The following CHIC2 variants were observed in gnomAD, a reference collection of about 807,000 sequenced individuals.
CHIC2 encodes the protein cysteine-rich hydrophobic domain-containing protein 2.
Under a neutral mutation model 25.9 loss-of-function variants are expected in CHIC2, and 14 were observed. The ratio of observed to expected loss-of-function variants is 0.54; its 90% CI spans 0.36 to 0.85. CHIC2 has a LOEUF of 0.85. Ranked by LOEUF, CHIC2 falls within the 40% of genes least tolerant of loss-of-function variation. CHIC2 has a pLI of 0.01. For synonymous variants in CHIC2, 70 were observed against 72.0 expected (o/e 0.97, Z 0.14); for missense variants, 146 against 202.0 (o/e 0.72, Z 1.68).
chr4:54,065,266 C>A (rs1717487806), upstream of CHIC2: 2 of 952,552 alleles, frequency 2.1e-6, no homozygotes, highest in Non-Finnish European at 2.5e-6. Context: ...CAAGAAATCT[C>A]ACCGTAGTCA....
the CHIC2 span, chr4:54,086,967 A>G: frequency 1.3e-6 from 1 of 753,742 alleles, no homozygotes; most frequent in Non-Finnish European, 2.4e-6. Flanking sequence ...ATGGACAACA[A>G]TCTGCAGAAG....
At chr4:54,082,075 A>G in the CHIC2 span, among the ~76,000 whole-genome samples, 2 of 152,214 alleles carry the variant, frequency 1.3e-5, no homozygotes, top group African/African-American at 4.8e-5. Flanking sequence ...AGGGCATTAG[A>G]TAGGTAAGGA....
intron 3 of CHIC2, among the ~76,000 whole-genome samples, chr4:54,048,134 A>G (rs960927270): frequency 1.3e-5 from 2 of 151,974 alleles, no homozygotes; most frequent in Non-Finnish European, 2.9e-5. Flanking sequence ...GATTACAGGC[A>G]CCCGCCACCA....
the CHIC2 span, among the ~76,000 whole-genome samples, chr4:54,088,983 C>G: frequency 1.3e-5 from 2 of 152,160 alleles, no homozygotes; most frequent in Middle Eastern, 3.2e-3. Flanking sequence ...AATGCAGGAA[C>G]CTGGAACTCC....
chr4:54,039,811 TAAAC>T (rs1716507579), intron 3 of CHIC2, among the ~76,000 whole-genome samples: 2 of 152,146 alleles, frequency 1.3e-5, no homozygotes, highest in Admixed American at 6.5e-5. Context: ...GATAAATGGA[TAAAC>T]AAACTGTGAT....
intron 3 of CHIC2, among the ~76,000 whole-genome samples, chr4:54,047,491 C>T (rs1716867750): frequency 6.6e-6 from 1 of 152,008 alleles, no homozygotes; most frequent in African/African-American, 2.4e-5. Context: ...GAGTTCATGT[C>T]CTTTGTAAGG....
chr4:54,072,105 C>T, the CHIC2 span, among the ~76,000 whole-genome samples: 1,004 of 151,922 alleles, frequency 6.6e-3, 5 homozygotes, highest in African/African-American at 0.021. Context: ...CCATCCTGGC[C>T]AACATGGTGA....
the CHIC2 span, chr4:54,087,798 C>T: frequency 7.6e-5 from 32 of 423,216 alleles, no homozygotes; most frequent in Non-Finnish European, 1.2e-4. Flanking sequence ...GGTCTACAGA[C>T]CATTCACTGT....
the CHIC2 span, among the ~76,000 whole-genome samples, chr4:54,073,066 TAA>T: frequency 3.5e-5 from 5 of 143,696 alleles, no homozygotes; most frequent in Admixed American, 7.0e-5. Context: ...AGACTCCGTC[TAA>T]AAAAAAAAAA....
the CHIC2 span, among the ~76,000 whole-genome samples, chr4:54,075,439 T>G: frequency 6.6e-6 from 1 of 152,220 alleles, no homozygotes. Flanking sequence ...TATGCTGTAG[T>G]TAATCACACC....
intron 3 of CHIC2, among the ~76,000 whole-genome samples, chr4:54,032,099 T>G (rs1043675231): frequency 6.6e-6 from 1 of 152,056 alleles, no homozygotes; most frequent in Non-Finnish European, 1.5e-5. Context: ...TAAATATAAA[T>G]AAAAGCACAA....
At chr4:54,055,995 G>C (rs1199866080) in intron 1 of CHIC2, among the ~76,000 whole-genome samples, 1 of 152,112 alleles carries the variant, frequency 6.6e-6, no homozygotes, top group Non-Finnish European at 1.5e-5. Flanking sequence ...AGTTCATCTG[G>C]TTTTATGAAA....
the CHIC2 span, among the ~76,000 whole-genome samples, chr4:54,070,580 G>A: frequency 1.3e-5 from 2 of 152,102 alleles, no homozygotes; most frequent in Admixed American, 6.6e-5. Context: ...GCACCAGCAC[G>A]CCTGGCTGAT....
intron 3 of CHIC2, among the ~76,000 whole-genome samples, chr4:54,020,569 G>A (rs1410761208): frequency 2.6e-5 from 4 of 152,104 alleles, no homozygotes; most frequent in Non-Finnish European, 4.4e-5. Context: ...CCCTGTCCTC[G>A]CCTCACTCCA....
intron 5 of CHIC2, among the ~76,000 whole-genome samples, chr4:54,012,745 C>A (rs1568511): frequency 0.37 from 55,749 of 151,808 alleles, 10,802 homozygotes; most frequent in African/African-American, 0.47. Flanking sequence ...CATCATCATA[C>A]ATTAACATGT....
At chr4:54,037,143 C>T (rs560514926) in intron 3 of CHIC2, among the ~76,000 whole-genome samples, 208 of 151,986 alleles carry the variant, frequency 1.4e-3, no homozygotes, top group African/African-American at 4.9e-3. Flanking sequence ...GGCGGGTGGA[C>T]TGCTTGAGCT....
intron 1 of CHIC2, among the ~76,000 whole-genome samples, chr4:54,052,639 TA>T (rs1229415316): frequency 6.6e-6 from 1 of 152,190 alleles, no homozygotes; most frequent in East Asian, 1.9e-4. Flanking sequence ...AACACTTGGA[TA>T]ATTTTTAAAA....
intron 3 of CHIC2, among the ~76,000 whole-genome samples, chr4:54,017,755 A>T (rs958347256): frequency 1.3e-5 from 2 of 152,166 alleles, no homozygotes; most frequent in Non-Finnish European, 2.9e-5. Context: ...GGAAGTAGAC[A>T]GCTCCAAGCA....
At chr4:54,059,532 T>C (rs1156344902) in intron 1 of CHIC2, 1 of 151,184 alleles carries the variant, frequency 6.6e-6, no homozygotes, top group Non-Finnish European at 1.5e-5. Context: ...CAGGGAAAGA[T>C]TCTGTCTCTA....
Sources: gnomAD v4.1 joint callset for allele counts (sites outside exome capture counted in the v4.1 genomes callset) on GRCh38, gnomAD v4.1.1 for gene constraint, MANE v1.5 for transcripts, NCBI Gene and HGNC (gene_info 2026-07-23, HGNC 2026-07-21) for gene names.